The following FNTB variants were observed in gnomAD, a reference collection of about 807,000 sequenced individuals.
FNTB encodes farnesyltransferase, CAAX box, subunit beta.
FNTB carries 27 observed loss-of-function variants against 59.4 expected under a neutral mutation model. The ratio of observed to expected loss-of-function variants is 0.45; its 90% confidence interval spans 0.34 to 0.63. The LOEUF (loss-of-function observed/expected upper bound fraction) is 0.63. Ranked by LOEUF, FNTB falls within the 20% of genes least tolerant of loss-of-function variation. The probability of loss-of-function intolerance (pLI) is 0.02; values close to 1 mark genes in which losing one functional copy is unlikely to be tolerated. For missense variants in FNTB, 449 were observed against 559.6 expected (o/e 0.80, Z 1.99); for synonymous variants, 230 against 220.7 (o/e 1.04, Z -0.37).
intron 2 of FNTB, chr14:65,006,268 A>G: frequency 6.2e-7 from 1 of 1,612,376 alleles, no homozygotes; most frequent in South Asian, 1.1e-5. Context: ...TGGGAGGGTT[A>G]ACTTCATCTT....
At chr14:65,019,175 A>ACAAAAG (rs1555391521) in intron 4 of FNTB, among the ~76,000 whole-genome samples, 4 of 151,772 alleles carry the variant, frequency 2.6e-5, no homozygotes, top group Non-Finnish European at 4.4e-5. Flanking sequence ...CTCCATCTCA[A>ACAAAAG]AAAAAGAAAA....
At chr14:65,002,966 T>C (rs1156918414) in intron 1 of FNTB, among the ~76,000 whole-genome samples, 5 of 152,170 alleles carry the variant, frequency 3.3e-5, no homozygotes, top group African/African-American at 2.4e-5. Flanking sequence ...AGATCCTGGC[T>C]CTGTAGGAAT....
chr14:65,031,979 CGT>C lies in FNTB; in HGVS notation c.606-592_606-591del, dbSNP rs563468928. On this transcript the variant is annotated intron_variant, in intron 6 of 11. Coordinates refer to ENST00000246166, the MANE Select transcript of FNTB (RefSeq NM_002028.4). The surrounding 1 kb of genome is among the most constrained non-coding windows in gnomAD (Gnocchi z 4.6). ...ATAGACGTGCGCCTTTTTCATTTAA[CGT>C]GTGTGTGTGTGTGTGTGTGTGTGTG... 0.09 allele frequency among the ~76,000 whole-genome samples: 12,624 copies of C among 140,958 alleles called. 1,214 individuals are homozygous for C. The highest frequency in any genetic ancestry group is 0.26 in the African/African-American group (9,687 of 37,810). The allele number at this position is 140,958 out of a possible 152,430, so 92.5% of individuals were successfully genotyped here.
At chr14:65,025,958 G>A (rs1011932856) in intron 4 of FNTB, among the ~76,000 whole-genome samples, 1 of 152,222 alleles carries the variant, frequency 6.6e-6, no homozygotes, top group African/African-American at 2.4e-5. Context: ...ACAGAGCAAG[G>A]CAGCAGCGTT....
intron 2 of FNTB, among the ~76,000 whole-genome samples, chr14:65,008,428 G>A (rs1176619432): frequency 6.6e-6 from 1 of 152,246 alleles, no homozygotes; most frequent in Non-Finnish European, 1.5e-5. Flanking sequence ...AGCAAGGCTA[G>A]CCCTGGGCCT....
intron 2 of FNTB, among the ~76,000 whole-genome samples, chr14:65,005,453 C>CT (rs1191072209): frequency 2.5e-3 from 164 of 65,064 alleles, no homozygotes; most frequent in African/African-American, 8.6e-3. Flanking sequence ...CCTTTCTTTT[C>CT]TTTCTTTCTT....
At chr14:65,046,576 CT>C (rs982502746) in intron 9 of FNTB, among the ~76,000 whole-genome samples, 3 of 152,134 alleles carry the variant, frequency 2.0e-5, no homozygotes. Flanking sequence ...GTGCTTCCAG[CT>C]TTTTTCATTG....
intron 9 of FNTB, among the ~76,000 whole-genome samples, chr14:65,045,409 G>T (rs139065041): frequency 1.8e-5 from 1 of 56,236 alleles, no homozygotes; most frequent in Non-Finnish European, 3.7e-5. Context: ...CCCACCCCCC[G>T]TCTTCCCCCC....
At chr14:65,024,357 T>C (rs2061942690) in intron 4 of FNTB, among the ~76,000 whole-genome samples, 1 of 152,178 alleles carries the variant, frequency 6.6e-6, no homozygotes, top group East Asian at 1.9e-4. Context: ...CAAGTAATTT[T>C]AGTTGTGCAG....
chr14:65,022,136 T>C (rs1461326102), intron 4 of FNTB: 2 of 452,464 alleles, frequency 4.4e-6, no homozygotes, highest in East Asian at 1.4e-4. Context: ...AGATTTCCTC[T>C]TCACTATATC....
At position 64,987,050 on chromosome 14, in the gene FNTB, G is replaced by C. The variant is rs147689181; in HGVS notation, c.97G>C (p.Glu33Gln). The stretch of plus-strand genomic sequence containing the variant: ...CAGTCTGAGGCCCGAGCACGCGCGA[G>C]AGCGGTTGCAGGACGACTCGGTGGA... ...LYSLRPEHAR[E>Q]RLQDDSVETV... is the part of the protein sequence containing the mutation. The change falls in exon 1 of 12, where the codon GAG becomes CAG. Residue 33 changes from glutamate to glutamine, a missense_variant. This residue lies in a region of FNTB where 112 missense variants were observed against 80.5 expected (regional missense o/e 1.39). Coordinates refer to ENST00000246166, the MANE Select transcript of FNTB (RefSeq NM_002028.4). 23 of 1,614,124 alleles carry C rather than the reference G, an allele frequency of 1.4e-5. No homozygotes were observed. In the African/African-American group the frequency reaches 2.1e-4, roughly 15 times the overall value.
In FNTB at chr14:64,997,026, TAAAA is replaced by T. The variant is rs895354413; in HGVS notation, c.145-7215_145-7212del. 1.4e-5 allele frequency among the ~76,000 whole-genome samples: 2 copies of T among 146,300 alleles called. No individual in the cohort carries two copies. Among genetic ancestry groups the T allele is most frequent in the Admixed American group, 6.8e-5 (1 of 14,614 alleles). On this transcript the variant is annotated intron_variant, in intron 1 of 11. Transcript: ENST00000246166. This position sits in a 1 kb window ranked among gnomAD's most constrained non-coding sequence, Gnocchi z 4.5. ...CATTTTGCCTTTTTTCATTTCACAG[TAAAA>T]AAAAAAATAGAAACAGAGTCTTGCT...
chr14:65,027,897 A>C lies in FNTB; in HGVS notation c.605+116A>C. The stretch of plus-strand genomic sequence containing the variant: ...AGCTGCTGCTTTGTCCCAGAATGAC[A>C]CATGGGATGACATGTCAGTGACACG... On this transcript the variant is annotated intron_variant, in intron 6 of 11. Transcript: ENST00000246166. This position sits in a 1 kb window ranked among gnomAD's most constrained non-coding sequence, Gnocchi z 5.7. 7.8e-7 allele frequency: 1 copy of C among 1,278,416 alleles called. No homozygotes were observed. Among genetic ancestry groups the C allele is most frequent in the African/African-American group, 1.5e-5 (1 of 68,106 alleles). 79.2% of individuals were successfully genotyped at this position (1,278,416 alleles called of 1,614,324 possible).
At chr14:65,041,484 C>T (rs773189921) in intron 8 of FNTB, among the ~76,000 whole-genome samples, 11 of 152,268 alleles carry the variant, frequency 7.2e-5, no homozygotes, top group Middle Eastern at 3.4e-3. Context: ...TCAGTGGGTG[C>T]ACAAACACAC....
At chr14:64,996,410 C>T (rs551736668) in intron 1 of FNTB, among the ~76,000 whole-genome samples, 5 of 152,150 alleles carry the variant, frequency 3.3e-5, no homozygotes, top group South Asian at 2.1e-4. Flanking sequence ...TTTGCCATAT[C>T]GTGAGTGATC....
intron 7 of FNTB, among the ~76,000 whole-genome samples, chr14:65,038,410 A>T (rs1021813667): frequency 2.7e-5 from 4 of 150,832 alleles, no homozygotes; most frequent in Non-Finnish European, 5.9e-5. Context: ...ACTCCATCTC[A>T]AAATAAATAA....
intron 4 of FNTB, among the ~76,000 whole-genome samples, chr14:65,021,345 A>G (rs543409692): frequency 6.6e-6 from 1 of 152,338 alleles, no homozygotes; most frequent in South Asian, 2.1e-4. Flanking sequence ...GATAAATTCA[A>G]ATTTTGCTAT....
intron 9 of FNTB, among the ~76,000 whole-genome samples, chr14:65,049,884 C>T (rs1438636124): frequency 6.6e-6 from 1 of 151,934 alleles, no homozygotes; most frequent in Non-Finnish European, 1.5e-5. Context: ...CATCACTCAT[C>T]CCCCCAAAAA....
chr14:65,045,413 TC>T (rs1229362480), intron 9 of FNTB, among the ~76,000 whole-genome samples: 6 of 85,314 alleles, frequency 7.0e-5, no homozygotes, highest in Non-Finnish European at 1.5e-4. Context: ...CCCCCCGTCT[TC>T]CCCCCTCCCC....
Sources: allele counts gnomAD v4.1 joint callset (sites outside exome capture counted in the v4.1 genomes callset), GRCh38; gene constraint gnomAD v4.1.1; regional missense constraint gnomAD v4.1.1; non-coding constraint Gnocchi (gnomAD v3.1); transcripts MANE v1.5; gene names NCBI Gene and HGNC (gene_info 2026-07-23, HGNC 2026-07-21).